Variants in TRIQK observed in about 807,000 individuals in gnomAD.
TRIQK encodes the protein triple QxxK/R motif containing.
In TRIQK, 10 loss-of-function variants were observed where a neutral mutation model predicts 10.8. The observed-to-expected ratio is 0.92, with a 90% CI of 0.57 to 1.57. The LOEUF (loss-of-function observed/expected upper bound fraction) is 1.57. TRIQK is among the 40% of genes most tolerant of loss of function. The pLI is 0.00. For missense variants in TRIQK, 107 were observed against 97.7 expected (o/e 1.09, Z -0.40); for synonymous variants, 33 against 33.7 (o/e 0.98, Z 0.07).
upstream of TRIQK, among the ~76,000 whole-genome samples, chr8:92,966,778 G>T (rs939603191): frequency 1.3e-5 from 2 of 151,996 alleles, no homozygotes; most frequent in African/African-American, 4.8e-5. Flanking sequence ...GCTAGGAAAG[G>T]CTAGATTTAT....
intron 3 of TRIQK, among the ~76,000 whole-genome samples, chr8:92,898,529 T>C (rs1808728455): frequency 6.6e-6 from 1 of 152,088 alleles, no homozygotes; most frequent in African/African-American, 2.4e-5. Flanking sequence ...TCACCAGTGT[T>C]CTCACTGGCT....
intron 1 of TRIQK, among the ~76,000 whole-genome samples, chr8:93,007,077 A>C (rs762977949): frequency 3.3e-5 from 5 of 152,160 alleles, no homozygotes; most frequent in African/African-American, 4.8e-5. Flanking sequence ...GGGGTCACCA[A>C]ACACCTTATA....
At chr8:92,981,720 T>C (rs1349029083) in intron 1 of TRIQK, among the ~76,000 whole-genome samples, 2 of 151,838 alleles carry the variant, frequency 1.3e-5, no homozygotes, top group African/African-American at 4.8e-5. Flanking sequence ...TTTGTTTTCA[T>C]TTTTTTATTA....
chr8:92,897,463 C>A (rs549225223), intron 3 of TRIQK, among the ~76,000 whole-genome samples: 1 of 152,090 alleles, frequency 6.6e-6, no homozygotes, highest in African/African-American at 2.4e-5. Context: ...GTCATAAGGG[C>A]TCTGCCCTCA....
intron 1 of TRIQK, among the ~76,000 whole-genome samples, chr8:92,985,648 C>A (rs1813023793): frequency 6.6e-6 from 1 of 152,148 alleles, no homozygotes; most frequent in South Asian, 2.1e-4. Flanking sequence ...TTTCACCAGG[C>A]CAGGTTGTCA....
At chr8:92,970,675 T>C (rs1812865368), upstream of TRIQK, among the ~76,000 whole-genome samples, 1 of 152,178 alleles carries the variant, frequency 6.6e-6, no homozygotes, top group South Asian at 2.1e-4. Flanking sequence ...TCTGTTTAAG[T>C]TCCCTGTAGA....
intron 2 of TRIQK, among the ~76,000 whole-genome samples, chr8:92,945,185 C>T: frequency 6.6e-6 from 1 of 152,164 alleles, no homozygotes; most frequent in South Asian, 2.1e-4. Context: ...CTTTCAGTCA[C>T]TTGCCCAATG....
chr8:92,930,154 G>A, intron 2 of TRIQK, among the ~76,000 whole-genome samples: 1 of 151,718 alleles, frequency 6.6e-6, no homozygotes, highest in Non-Finnish European at 1.5e-5. Flanking sequence ...AAGGCGGGCA[G>A]ATCACCAGAG....
intron 1 of TRIQK, among the ~76,000 whole-genome samples, chr8:92,976,320 A>G (rs1430158656): frequency 6.6e-6 from 1 of 152,004 alleles, no homozygotes; most frequent in Non-Finnish European, 1.5e-5. Flanking sequence ...CATGTATTTT[A>G]AAGCTTTGTC....
intron 1 of TRIQK, among the ~76,000 whole-genome samples, chr8:92,991,694 G>A (rs1813097880): frequency 6.6e-6 from 1 of 152,114 alleles, no homozygotes; most frequent in African/African-American, 2.4e-5. Context: ...TATTCAAATG[G>A]GAAGAGAGGA....
chr8:93,016,186 A>C (rs1813383221), intron 1 of TRIQK, among the ~76,000 whole-genome samples: 1 of 152,204 alleles, frequency 6.6e-6, no homozygotes, highest in Non-Finnish European at 1.5e-5. Context: ...GATCATAAAT[A>C]ATTTAGAGTA....
intron 1 of TRIQK, among the ~76,000 whole-genome samples, chr8:92,987,525 G>A (rs1274283185): frequency 6.6e-6 from 1 of 152,140 alleles, no homozygotes; most frequent in African/African-American, 2.4e-5. Flanking sequence ...GAATGAATGG[G>A]TACTATTATT....
chr8:92,927,177 T>C (rs1040793536), intron 2 of TRIQK, among the ~76,000 whole-genome samples: 5 of 152,132 alleles, frequency 3.3e-5, no homozygotes, highest in Non-Finnish European at 5.9e-5. Flanking sequence ...TTGCAAATAA[T>C]ATTTTTCTTT....
intron 1 of TRIQK, among the ~76,000 whole-genome samples, chr8:93,002,784 G>A (rs981147684): frequency 5.9e-5 from 9 of 151,946 alleles, no homozygotes; most frequent in Admixed American, 4.6e-4. Flanking sequence ...GCCGGGTGTG[G>A]TAGGGGGAGT....
At chr8:92,933,894 C>T (rs368805364) in intron 2 of TRIQK, among the ~76,000 whole-genome samples, 5 of 152,074 alleles carry the variant, frequency 3.3e-5, no homozygotes, top group African/African-American at 9.6e-5. Flanking sequence ...TCTATTTTAG[C>T]GGCAAGCATC....
chr8:92,945,306 A>G (rs1205027114), intron 2 of TRIQK, among the ~76,000 whole-genome samples: 2 of 151,832 alleles, frequency 1.3e-5, no homozygotes, highest in Non-Finnish European at 2.9e-5. Flanking sequence ...CAGCTACAGC[A>G]ATATCTACAC....
Position 92,988,688 on chromosome 8 carries a change from G to C in TRIQK, c.-181+28921C>G, listed in dbSNP as rs1055311969. Among the ~76,000 whole-genome samples the C allele has an allele frequency of 5.3e-5, 8 of 152,194 alleles. No homozygotes were observed. In the East Asian group the frequency reaches 1.4e-3, roughly 26 times the overall value. On this transcript the variant is annotated intron_variant, in intron 1 of 4. Coordinates refer to the TRIQK transcript ENST00000520686. ...AACTCAGAAGATTGCAGATTTCCAA[G>C]ATCCTTTGTTTGGCCCGCATATCAG...
intron 1 of TRIQK, chr8:92,960,644 G>T (rs1299637083): frequency 6.6e-6 from 1 of 152,194 alleles, no homozygotes; most frequent in African/African-American, 2.4e-5. Flanking sequence ...AAATAAGTCA[G>T]ATTGCTGCAA....
chr8:92,973,062 T>TGGC (rs1461102007), intron 1 of TRIQK: 1 of 152,172 alleles, frequency 6.6e-6, no homozygotes, highest in Non-Finnish European at 1.5e-5. Flanking sequence ...CCATCATAGG[T>TGGC]GAGAGTTCGG....
Sources: allele counts gnomAD v4.1 joint callset (sites outside exome capture counted in the v4.1 genomes callset), GRCh38; gene constraint gnomAD v4.1.1; transcripts MANE v1.5; gene names NCBI Gene and HGNC (gene_info 2026-07-23, HGNC 2026-07-21).